AGO4: variants seen among roughly 807,000 people sequenced by gnomAD.
The protein encoded by AGO4 is protein argonaute-4.
Under a neutral mutation model 104.7 loss-of-function variants are expected in AGO4, and 33 were observed. The observed-to-expected ratio is 0.32, with a 90% CI of 0.24 to 0.42. AGO4 has a LOEUF of 0.42. Ranked by LOEUF, AGO4 falls within the 10% of genes least tolerant of loss-of-function variation. The probability of loss-of-function intolerance (pLI) is 1.00; values close to 1 mark genes in which losing one functional copy is unlikely to be tolerated. For missense variants in AGO4, 711 were observed against 1,083.4 expected, an observed-to-expected ratio of 0.66 and a Z score of 4.83; for synonymous variants, 331 against 364.7, an observed-to-expected ratio of 0.91 and a Z score of 1.05.
chr1:35,832,417 TC>T lies in AGO4; in HGVS notation c.1246-19del. 3.0e-6 allele frequency: 4 copies of T among 1,333,010 alleles called. No homozygotes were observed. The highest frequency in any genetic ancestry group is 1.4e-5 in the South Asian group (1 of 71,616). The allele number at this position is 1,333,010 out of a possible 1,614,324, so 82.6% of individuals were successfully genotyped here. On this transcript the variant is annotated intron_variant, in intron 10 of 17. Transcript: ENST00000373210. ...TTTTGTTTCTTCTTCTTCTTCTTCTTCTTTTTTTTTTTTTCAAAGAATAAAA... is the reference window on the plus strand; with the variant it reads ...TTTTGTTTCTTCTTCTTCTTCTTCTTTTTTTTTTTTTTTCAAAGAATAAAA...
chr1:35,824,136 ATTTAT>A (rs1643953511), intron 3 of AGO4, among the ~76,000 whole-genome samples: 1 of 152,178 alleles, frequency 6.6e-6, no homozygotes, highest in Non-Finnish European at 1.5e-5. Context: ...TTTTTTAAAC[ATTTAT>A]TTTTTTTAAA....
At chr1:35,849,569 C>A (rs1644652777) in intron 15 of AGO4, among the ~76,000 whole-genome samples, 1 of 150,550 alleles carries the variant, frequency 6.6e-6, no homozygotes, top group South Asian at 2.1e-4. Context: ...TGCCTATAGC[C>A]CCCGCTACTC....
chr1:35,831,805 T>C lies in AGO4; in HGVS notation c.997-7T>C. 1 of 1,613,972 alleles carries C rather than the reference T, an allele frequency of 6.2e-7. No individual in the cohort carries two copies. The highest frequency in any genetic ancestry group is 8.5e-7 in the Non-Finnish European group (1 of 1,179,934). Reference sequence around the variant, plus strand: ...ACACAAACCAATTTCTCTTTGTCTCTTGGCAGGTCTGTAATATAGTGGCAG... The same window carrying C: ...ACACAAACCAATTTCTCTTTGTCTCCTGGCAGGTCTGTAATATAGTGGCAG... On this transcript the variant is annotated splice_region_variant and splice_polypyrimidine_tract_variant and intron_variant, in intron 8 of 17. Transcript: ENST00000373210.
At chr1:35,842,250 A>AGG in intron 15 of AGO4, among the ~76,000 whole-genome samples, 1 of 151,966 alleles carries the variant, frequency 6.6e-6, no homozygotes, top group Non-Finnish European at 1.5e-5. Flanking sequence ...GATCATTACC[A>AGG]CCTGAGCTCT....
intron 15 of AGO4, among the ~76,000 whole-genome samples, chr1:35,842,957 A>G (rs1010774384): frequency 6.6e-6 from 1 of 152,134 alleles, no homozygotes; most frequent in African/African-American, 2.4e-5. Context: ...ATCCACCCCT[A>G]GGAAGACCAG....
Position 35,856,473 on chromosome 1 carries a change from A to C in AGO4, c.*2868A>C, listed in dbSNP as rs1345403864. ...TTTTTTAAATGCAGCCTGTTGAGGC[A>C]CTGTCATGTGGTGTGAAAGATTTAA... is the stretch of plus-strand genomic sequence containing the variant. On this transcript the variant is annotated 3_prime_UTR_variant, in exon 18 of 18. Transcript: ENST00000373210. 5.9e-5 allele frequency: 9 copies of C among 152,246 alleles called. No homozygotes were observed. The highest frequency in any genetic ancestry group is 1.9e-4 in the African/African-American group (8 of 41,444). The allele number at this position is 152,246 out of a possible 1,614,324, so 9.4% of individuals were successfully genotyped here.
chr1:35,836,142 G>T (rs1449654671), intron 13 of AGO4, 149 bp downstream of exon 13: 1 of 903,010 alleles, frequency 1.1e-6, no homozygotes, highest in Non-Finnish European at 1.6e-6. Flanking sequence ...TAAAGATATA[G>T]AACATTTCCA....
rs750702347 is a variant in AGO4 at position 35,825,829 on chromosome 1, CTCTT to C, written c.625+16_625+19del. Reference sequence around the variant, plus strand: ...TCAACATTGATGGTAGGATGGAACTCTCTTTATCCAATAACTCTTTGGGCTGGTT... The same window carrying C: ...TCAACATTGATGGTAGGATGGAACTCTATCCAATAACTCTTTGGGCTGGTT... On this transcript the variant is annotated intron_variant, in intron 5 of 17. Transcript: ENST00000373210. 2 of 1,587,314 alleles carry C rather than the reference CTCTT, an allele frequency of 1.3e-6. No individual in the cohort carries two copies. The highest frequency in any genetic ancestry group is 1.7e-6 in the Non-Finnish European group (2 of 1,168,184).
chr1:35,840,562 G>A (rs1168198250), intron 13 of AGO4, among the ~76,000 whole-genome samples: 2 of 151,918 alleles, frequency 1.3e-5, no homozygotes, highest in Admixed American at 6.6e-5. Flanking sequence ...GCCTCCCAAA[G>A]TGCTGGGATT....
chr1:35,807,900 G>A (rs114540673), upstream of AGO4, among the ~76,000 whole-genome samples: 14,869 of 152,006 alleles, frequency 0.098, 1,147 homozygotes, highest in African/African-American at 0.22. Flanking sequence ...GGGATGGCAC[G>A]TAGCCCCCAG....
At chr1:35,843,209 G>A (rs1175592389) in intron 15 of AGO4, among the ~76,000 whole-genome samples, 1 of 152,038 alleles carries the variant, frequency 6.6e-6, no homozygotes, top group African/African-American at 2.4e-5. Context: ...GGGATTATAG[G>A]CGCCCACCAC....
intron 7 of AGO4, 112 bp from the exon 8 acceptor site, chr1:35,831,315 C>T (rs778576886): frequency 9.4e-5 from 108 of 1,144,218 alleles, no homozygotes; most frequent in Non-Finnish European, 1.1e-4. Context: ...TCACGCCATG[C>T]ACTCCAGCCT....
intron 15 of AGO4, among the ~76,000 whole-genome samples, chr1:35,847,125 G>A (rs1012595263): frequency 6.6e-6 from 1 of 151,560 alleles, no homozygotes; most frequent in Non-Finnish European, 1.5e-5. Context: ...ATTGGAAGAA[G>A]AATTTTCTTG....
rs753154575 is a variant in AGO4, at chr1:35,832,075, G to A, written c.1135G>A (p.Val379Met). The A allele has an allele frequency of 1.2e-6, 2 of 1,613,282 alleles. No individual in the cohort carries two copies. The highest frequency in any genetic ancestry group is 3.3e-5 in the Admixed American group (2 of 59,754). ...ISRLVKSNSMVGGPDPYLKEF... is the reference protein window; with the variant it reads ...ISRLVKSNSMMGGPDPYLKEF... Reference sequence around the variant, plus strand: ...TCTTTAGGTGAAGAGCAACAGTATGGTGGGTGGACCTGATCCATACCTTAA... The same window carrying A: ...TCTTTAGGTGAAGAGCAACAGTATGATGGGTGGACCTGATCCATACCTTAA... Residue 379 changes from valine (V) to methionine (M), a missense_variant, in exon 10 of 18, where the codon GTG becomes ATG. This residue lies in a region of AGO4 where 401 missense variants were observed against 665.5 expected (regional missense o/e 0.60). Transcript: ENST00000373210.
intron 3 of AGO4, 126 bp from the exon 4 acceptor site, chr1:35,825,187 G>A (rs761511728): frequency 8.0e-5 from 75 of 941,708 alleles, no homozygotes; most frequent in Non-Finnish European, 1.1e-4. Flanking sequence ...TGTTTCCAAT[G>A]TTACACAATT....
Position 35,832,124 on chromosome 1 carries a change from A to G in AGO4, c.1184A>G (p.Asn395Ser), listed in dbSNP as rs555610663. 76 of 1,614,222 alleles carry G rather than the reference A, an allele frequency of 4.7e-5. No homozygotes were observed. Among genetic ancestry groups the G allele is most frequent in the South Asian group, 1.3e-4 (12 of 91,086 alleles). The change falls in exon 10 of 18, where the codon AAT becomes AGT. Residue 395 changes from asparagine to serine, a missense_variant. Coordinates refer to ENST00000373210, the MANE Select transcript of AGO4 (RefSeq NM_017629.4). The stretch of plus-strand genomic sequence containing the variant: ...AAAGAATTTGGTATTGTTGTCCACA[A>G]TGAAATGACAGAGCTCACAGGCAGG... ...YLKEFGIVVHNEMTELTGRVL... is the reference protein window; with the variant it reads ...YLKEFGIVVHSEMTELTGRVL...
intron 1 of AGO4, among the ~76,000 whole-genome samples, chr1:35,815,322 TG>T (rs1445711237): frequency 6.6e-6 from 1 of 152,232 alleles, no homozygotes; most frequent in Admixed American, 6.5e-5. Flanking sequence ...GCAGAAAAGA[TG>T]TTCATTTTTT....
chr1:35,833,871 A>C (rs1644243319), intron 11 of AGO4, 119 bp from the exon 12 acceptor site: 1 of 866,760 alleles, frequency 1.2e-6, no homozygotes, highest in Non-Finnish European at 1.6e-6. Context: ...TTATTTGTTT[A>C]CTTGTTTCTA....
Position 35,826,079 on chromosome 1 carries a change from G to T in AGO4, c.760+19G>T. ...ATCAGAGGTAAGTGTTTGCATTAAT[G>T]TAGTCTTGGAGAAGCAGCTCAGCAT... On this transcript the variant is annotated intron_variant, in intron 6 of 17. Coordinates refer to ENST00000373210, the MANE Select transcript of AGO4 (RefSeq NM_017629.4). 6.2e-7 allele frequency: 1 copy of T among 1,612,866 alleles called. No individual in the cohort carries two copies. Among genetic ancestry groups the T allele is most frequent in the Non-Finnish European group, 8.5e-7 (1 of 1,179,842 alleles).
Sources: allele counts gnomAD v4.1 joint callset (sites outside exome capture counted in the v4.1 genomes callset), GRCh38; gene constraint gnomAD v4.1.1; regional missense constraint gnomAD v4.1.1; transcripts MANE v1.5; gene names NCBI Gene and HGNC (gene_info 2026-07-23, HGNC 2026-07-21).